TMEM131L: variants seen among roughly 807,000 people sequenced by gnomAD.
TMEM131L encodes transmembrane 131 like.
Under a neutral mutation model 192.2 loss-of-function variants are expected in TMEM131L, and 54 were observed. The observed-to-expected ratio is 0.28, with a 90% CI of 0.23 to 0.35. The LOEUF (loss-of-function observed/expected upper bound fraction) is 0.35. Ranked by LOEUF, TMEM131L falls within the 10% of genes least tolerant of loss-of-function variation. The pLI is 1.00. For missense variants in TMEM131L, 1,888 were observed against 1,972.9 expected, an observed-to-expected ratio of 0.96 and a Z score of 0.82; for synonymous variants, 701 against 704.9, an observed-to-expected ratio of 0.99 and a Z score of 0.09.
In TMEM131L at chr4:153,632,752, G is replaced by A. The variant is rs915516861; in HGVS notation, c.4242G>A (p.Pro1414=). 35 of 1,614,036 alleles carry A rather than the reference G, an allele frequency of 2.2e-5. No individual in the cohort carries two copies. The highest frequency in any genetic ancestry group is 2.9e-5 in the Non-Finnish European group (34 of 1,180,006). Reference sequence around the variant, plus strand: ...CACCTGGAGACCTGTGGCCCACTCCGCCAGTGTGTGTGACAAGCAGCTTAA... The same window carrying A: ...CACCTGGAGACCTGTGGCCCACTCCACCAGTGTGTGTGACAAGCAGCTTAA... The part of the protein sequence containing the change: ...LYSPGDLWPT[P]PVCVTSSLNC... The change falls in exon 32 of 35, where the codon CCG becomes CCA. Residue 1414 remains proline, a synonymous_variant. Coordinates refer to ENST00000409959, the MANE Select transcript of TMEM131L (RefSeq NM_001131007.2).
intron 7 of TMEM131L, among the ~76,000 whole-genome samples, chr4:153,561,938 A>G (rs1191057889): frequency 6.6e-6 from 1 of 150,684 alleles, no homozygotes; most frequent in Admixed American, 6.6e-5. Context: ...TTTTCTTAGA[A>G]ACCAGTATTT....
At position 153,602,236 on chromosome 4, in the gene TMEM131L, C is replaced by A; in HGVS notation, c.2351C>A (p.Ser784Tyr). The A allele has an allele frequency of 1.2e-6, 2 of 1,613,278 alleles. No individual in the cohort carries two copies. Among genetic ancestry groups the A allele is most frequent in the Non-Finnish European group, 1.7e-6 (2 of 1,179,626 alleles). ...NIGPLPITVS[S>Y]LKINGYNCQG... Reference sequence around the variant, plus strand: ...GGACCTCTTCCTATAACTGTTTCGTCTCTGAAAATTAATGGGTATAACTGC... The same window carrying A: ...GGACCTCTTCCTATAACTGTTTCGTATCTGAAAATTAATGGGTATAACTGC... The change falls in exon 22 of 35, where the codon TCT becomes TAT. Residue 784 changes from serine (S) to tyrosine (Y), a missense_variant. Transcript: ENST00000409959.
At chr4:153,601,901 G>A (rs553603607) in intron 21 of TMEM131L, 48 of 251,478 alleles carry the variant, frequency 1.9e-4, no homozygotes, top group Non-Finnish European at 3.6e-4. Context: ...GTTACTTTTT[G>A]TATCTTGGTA....
chr4:153,482,120 A>G (rs746534980), intron 3 of TMEM131L, among the ~76,000 whole-genome samples: 2 of 152,190 alleles, frequency 1.3e-5, no homozygotes, highest in Non-Finnish European at 2.9e-5. Context: ...CTGGGATTAC[A>G]GGTGTACACC....
At chr4:153,471,053 T>C (rs1297996492) in intron 2 of TMEM131L, among the ~76,000 whole-genome samples, 2 of 151,762 alleles carry the variant, frequency 1.3e-5, no homozygotes, top group African/African-American at 4.8e-5. Flanking sequence ...AATGATGTAA[T>C]TTCGGCTCAC....
At chr4:153,524,976 T>A (rs1203980250) in intron 3 of TMEM131L, among the ~76,000 whole-genome samples, 1 of 152,170 alleles carries the variant, frequency 6.6e-6, no homozygotes, top group African/African-American at 2.4e-5. Context: ...TCCATGGAGG[T>A]AAAGCAGGGG....
chr4:153,516,707 C>T (rs1230069234), intron 3 of TMEM131L, among the ~76,000 whole-genome samples: 1 of 152,108 alleles, frequency 6.6e-6, no homozygotes, highest in Non-Finnish European at 1.5e-5. Flanking sequence ...TGTACTTGCC[C>T]TCCAGAAAGG....
At chr4:153,548,737 A>G (rs1006758389) in intron 3 of TMEM131L, among the ~76,000 whole-genome samples, 1 of 152,188 alleles carries the variant, frequency 6.6e-6, no homozygotes, top group African/African-American at 2.4e-5. Context: ...AAAGATTGCA[A>G]CTAGATTCTT....
rs527277807 is a variant in TMEM131L, at chr4:153,528,021, T to TCACC, written c.240-22051_240-22048dup. ...CCATTAACTGAGCAGGTTCTTTTCC[T>TCACC]CACCGTCTGGTCTGAATTTCCTTGT... On this transcript the variant is annotated intron_variant, in intron 3 of 34. Coordinates refer to ENST00000409959, the MANE Select transcript of TMEM131L (RefSeq NM_001131007.2). Among the ~76,000 whole-genome samples the TCACC allele has an allele frequency of 2.7e-3, 404 of 152,360 alleles. 1 individual carries two copies. The highest frequency in any genetic ancestry group is 6.8e-3 in the Middle Eastern group (2 of 294).
At chr4:153,631,685 A>G (rs1734219891) in intron 31 of TMEM131L, among the ~76,000 whole-genome samples, 1 of 152,206 alleles carries the variant, frequency 6.6e-6, no homozygotes, top group African/African-American at 2.4e-5. Flanking sequence ...ATCCCTAGAG[A>G]CTTGTGTCCA....
At chr4:153,634,444 G>A in intron 33 of TMEM131L, 164 bp downstream of exon 33, 1 of 569,192 alleles carries the variant, frequency 1.8e-6, no homozygotes, top group Non-Finnish European at 3.1e-6. Flanking sequence ...GTGCACTGAT[G>A]CCATATATAA....
chr4:153,487,719 T>TGTGTGAGA (rs369094307), intron 3 of TMEM131L, among the ~76,000 whole-genome samples: 81 of 143,522 alleles, frequency 5.6e-4, no homozygotes, highest in Admixed American at 1.7e-3. Context: ...TGTGTGTGTG[T>TGTGTGAGA]GAGAGAGAGA....
chr4:153,495,118 C>G (rs914040526), intron 3 of TMEM131L, among the ~76,000 whole-genome samples: 1 of 152,170 alleles, frequency 6.6e-6, no homozygotes, highest in Non-Finnish European at 1.5e-5. Context: ...AGTTTGAGAT[C>G]AGCCTTGCCA....
intron 8 of TMEM131L, among the ~76,000 whole-genome samples, chr4:153,581,170 C>T (rs567165275): frequency 5.3e-5 from 8 of 152,200 alleles, no homozygotes; most frequent in Non-Finnish European, 1.0e-4. Flanking sequence ...AGGAGAATGG[C>T]GTGAACCTGG....
chr4:153,480,895 G>A (rs1281256327), intron 3 of TMEM131L, among the ~76,000 whole-genome samples: 3 of 152,158 alleles, frequency 2.0e-5, no homozygotes, highest in African/African-American at 4.8e-5. Flanking sequence ...CTGCCGTCAC[G>A]AGGTGTGGTT....
At chr4:153,573,052 T>A (rs142711338) in intron 7 of TMEM131L, among the ~76,000 whole-genome samples, 1 of 152,268 alleles carries the variant, frequency 6.6e-6, no homozygotes, top group Non-Finnish European at 1.5e-5. Flanking sequence ...TATTCCTTTT[T>A]AAGGCTGAAT....
intron 6 of TMEM131L, among the ~76,000 whole-genome samples, chr4:153,557,817 T>G (rs554270156): frequency 4.6e-5 from 7 of 152,356 alleles, no homozygotes; most frequent in African/African-American, 1.7e-4. Context: ...TTTTTAGTTT[T>G]TGAGGCAGGG....
rs553924177 is a variant in TMEM131L at position 153,570,661 on chromosome 4, G to A, written c.661-10165G>A. On this transcript the variant is annotated intron_variant, in intron 7 of 34. Transcript: ENST00000409959. The stretch of plus-strand genomic sequence containing the variant: ...ATCTCCCGGCACTTTTGTGCTAGTG[G>A]TATGGAAGCTGTGTTAGGAGCAGAG... Among the ~76,000 whole-genome samples, 21 of 152,254 alleles carry A rather than the reference G, an allele frequency of 1.4e-4. No individual in the cohort carries two copies. In the South Asian group the frequency reaches 3.1e-3, roughly 23 times the overall value.
intron 3 of TMEM131L, among the ~76,000 whole-genome samples, chr4:153,549,084 C>T (rs548155545): frequency 2.2e-4 from 33 of 152,308 alleles, no homozygotes; most frequent in Middle Eastern, 6.8e-3. Context: ...CCTGCCTCAG[C>T]CTCCAGAGTA....
Sources: gnomAD v4.1 joint callset for allele counts (sites outside exome capture counted in the v4.1 genomes callset) on GRCh38, gnomAD v4.1.1 for gene constraint, MANE v1.5 for transcripts, NCBI Gene and HGNC (gene_info 2026-07-23, HGNC 2026-07-21) for gene names.